Variants in LARGE1 observed in about 807,000 individuals in gnomAD.
The protein encoded by LARGE1 is LARGE xylosyl- and glucuronyltransferase 1.
In LARGE1, 43 loss-of-function variants were observed where a neutral mutation model predicts 87.6. The ratio of observed to expected loss-of-function variants is 0.49; its 90% CI spans 0.38 to 0.63. LARGE1 has a LOEUF of 0.63. Among genes scored for constraint, LARGE1 ranks in the 30% least tolerant of loss-of-function variants. The pLI is 0.00. For missense variants in LARGE1, 802 were observed against 1,000.2 expected, an observed-to-expected ratio of 0.80 and a Z score of 2.67; for synonymous variants, 434 against 394.6, an observed-to-expected ratio of 1.10 and a Z score of -1.18.
At chr22:33,183,446 A>G (rs568816835) in intron 11 of LARGE1, among the ~76,000 whole-genome samples, 1 of 152,282 alleles carries the variant, frequency 6.6e-6, no homozygotes, top group East Asian at 1.9e-4. Context: ...AAAAATAGCA[A>G]TACCACATGA....
At chr22:33,289,342 G>A (rs929630040) in intron 12 of LARGE1, among the ~76,000 whole-genome samples, 1 of 152,164 alleles carries the variant, frequency 6.6e-6, no homozygotes, top group Admixed American at 6.5e-5. Context: ...GTGACTTGGA[G>A]CCAGACAGCA....
At chr22:33,111,195 G>A in the LARGE1 span, among the ~76,000 whole-genome samples, 252 of 152,274 alleles carry the variant, frequency 1.7e-3, 2 homozygotes, top group Middle Eastern at 0.02. Context: ...GGGTTGAGGA[G>A]AGATGGGGGA....
intron 6 of LARGE1, among the ~76,000 whole-genome samples, chr22:33,451,803 C>T (rs905742237): frequency 7.2e-5 from 11 of 152,096 alleles, no homozygotes; most frequent in African/African-American, 2.4e-4. Context: ...GTGATCCACC[C>T]GCCTCGGCCT....
intron 6 of LARGE1, among the ~76,000 whole-genome samples, chr22:33,517,420 C>T (rs751979837): frequency 3.3e-5 from 5 of 152,046 alleles, no homozygotes; most frequent in Admixed American, 1.3e-4. Context: ...TTTTTTGAGA[C>T]AGTCTCGCTC....
chr22:33,538,601 G>C (rs902371041), intron 6 of LARGE1, among the ~76,000 whole-genome samples: 1 of 152,110 alleles, frequency 6.6e-6, no homozygotes, highest in African/African-American at 2.4e-5. Flanking sequence ...AGCCTTACTA[G>C]ATGCTTGGAA....
chr22:33,139,093 C>A, the LARGE1 span, among the ~76,000 whole-genome samples: 1 of 152,138 alleles, frequency 6.6e-6, no homozygotes, highest in Admixed American at 6.5e-5. Context: ...CTCCTCCTTG[C>A]CTTCCACCGT....
chr22:33,610,649 TG>T (rs1227576188), intron 4 of LARGE1, among the ~76,000 whole-genome samples: 2 of 152,126 alleles, frequency 1.3e-5, no homozygotes, highest in Non-Finnish European at 2.9e-5. Flanking sequence ...TGGTGGGTGG[TG>T]GGGGAGAAGA....
At chr22:33,230,865 A>G (rs763509174) in intron 11 of LARGE1, among the ~76,000 whole-genome samples, 10 of 152,228 alleles carry the variant, frequency 6.6e-5, no homozygotes, top group Non-Finnish European at 1.3e-4. Flanking sequence ...TATGACCATC[A>G]AGAGAGTAGG....
At chr22:33,676,138 A>T (rs188666103) in intron 2 of LARGE1, among the ~76,000 whole-genome samples, 2 of 152,122 alleles carry the variant, frequency 1.3e-5, no homozygotes, top group Non-Finnish European at 2.9e-5. Context: ...AAAACATCAA[A>T]AAGTGGCTTA....
chr22:33,293,380 A>G (rs1439639359), intron 12 of LARGE1, among the ~76,000 whole-genome samples: 3 of 152,228 alleles, frequency 2.0e-5, no homozygotes, highest in Non-Finnish European at 4.4e-5. Context: ...TAAAGATATT[A>G]AAGTTCTGAG....
chr22:33,155,266 A>AC, the LARGE1 span, among the ~76,000 whole-genome samples: 2 of 152,174 alleles, frequency 1.3e-5, no homozygotes, highest in African/African-American at 4.8e-5. Context: ...AGAGGTTGGA[A>AC]CACTTTGGAG....
At chr22:33,443,536 A>C (rs148492657) in intron 6 of LARGE1, among the ~76,000 whole-genome samples, 1 of 152,266 alleles carries the variant, frequency 6.6e-6, no homozygotes, top group African/African-American at 2.4e-5. Context: ...ATCCTAGTAC[A>C]TTGAGCTGAG....
intron 2 of LARGE1, among the ~76,000 whole-genome samples, chr22:33,691,000 TG>T (rs1411361925): frequency 2.6e-5 from 4 of 152,180 alleles, no homozygotes; most frequent in African/African-American, 7.2e-5. Flanking sequence ...TTCCTAGCTC[TG>T]GAACCTACAC....
chr22:33,731,116 C>T (rs1601452228), intron 2 of LARGE1, among the ~76,000 whole-genome samples: 1 of 151,724 alleles, frequency 6.6e-6, no homozygotes, highest in African/African-American at 2.4e-5. Context: ...CATTCTCCTG[C>T]CTCAGCCTTC....
At chr22:33,782,694 G>T (rs1046869232) in intron 1 of LARGE1, among the ~76,000 whole-genome samples, 6 of 151,684 alleles carry the variant, frequency 4.0e-5, no homozygotes, top group Non-Finnish European at 7.4e-5. Context: ...GTGAAACCCC[G>T]TCTCTACTAA....
chr22:33,423,071 G>C (rs374589378), intron 7 of LARGE1, among the ~76,000 whole-genome samples: 32 of 151,850 alleles, frequency 2.1e-4, no homozygotes, highest in South Asian at 4.2e-4. Flanking sequence ...AGCGAAGATG[G>C]TACTTCCTGT....
In LARGE1 at chr22:33,650,396, C is replaced by T; in HGVS notation, c.379G>A (p.Gly127Arg). The change falls in exon 3 of 15, where the codon GGG becomes AGG. Residue 127 changes from glycine to arginine, a missense_variant. Around this residue, in one of 2 missense-constraint regions of LARGE1, gnomAD observed 625 missense variants for 841.9 expected, o/e 0.74. Transcript: ENST00000397394. Reference sequence around the variant, plus strand: ...CATTTCTCCACGACCGGCTGCTGCCCACACTCGGAGCTGTTGCCTGCCACG... The same window carrying T: ...CATTTCTCCACGACCGGCTGCTGCCTACACTCGGAGCTGTTGCCTGCCACG... Reference protein sequence around the residue: ...GIVAGNSSECGQQPVVEKCET... With the variant: ...GIVAGNSSECRQQPVVEKCET... 1.2e-6 allele frequency: 2 copies of T among 1,614,106 alleles called. No individual in the cohort carries two copies. The highest frequency in any genetic ancestry group is 1.7e-6 in the Non-Finnish European group (2 of 1,180,042).
upstream of LARGE1, chr22:33,922,396 C>T (rs1296502110): frequency 6.6e-6 from 1 of 152,316 alleles, no homozygotes; most frequent in Non-Finnish European, 1.5e-5. Context: ...TCCCATCCCC[C>T]TTCCCTCCAG....
intron 2 of LARGE1, among the ~76,000 whole-genome samples, chr22:33,679,776 A>T (rs2081695855): frequency 6.6e-6 from 1 of 152,162 alleles, no homozygotes; most frequent in Non-Finnish European, 1.5e-5. Context: ...CGGGAGGCGG[A>T]GGTTGCAGTG....
Sources: allele counts gnomAD v4.1 joint callset (sites outside exome capture counted in the v4.1 genomes callset), GRCh38; gene constraint gnomAD v4.1.1; regional missense constraint gnomAD v4.1.1; transcripts MANE v1.5; gene names NCBI Gene and HGNC (gene_info 2026-07-23, HGNC 2026-07-21).